TNXB: variants seen among roughly 807,000 people sequenced by gnomAD.
TNXB encodes the protein tenascin XB.
TNXB carries 183 observed loss-of-function variants against 340.5 expected under a neutral mutation model. The ratio of observed to expected loss-of-function variants is 0.54; its 90% CI spans 0.48 to 0.61. The LOEUF is 0.61. Ranked by LOEUF, TNXB falls within the 20% of genes least tolerant of loss-of-function variation. TNXB has a pLI of 0.00. For missense variants in TNXB, 4,613 were observed against 5,446.4 expected, an observed-to-expected ratio of 0.85 and a Z score of 4.82; for synonymous variants, 2,121 against 2,314.5, an observed-to-expected ratio of 0.92 and a Z score of 2.40.
At position 32,058,331 on chromosome 6, in the gene TNXB, CTGGGGCCT is replaced by C; in HGVS notation, c.7544_7551del (p.Glu2515GlyfsTer19). On this transcript the variant is annotated frameshift_variant, in exon 22 of 44. Coordinates refer to ENST00000644971, the MANE Select transcript of TNXB (RefSeq NM_001365276.2). LOFTEE classifies it high-confidence loss of function. This position sits in a 1 kb window ranked among gnomAD's most constrained non-coding sequence, Gnocchi z 5.1. The stretch of plus-strand genomic sequence containing the variant: ...CCCAGGAGAGGCTCCTCGGGGGGCC[CTGGGGCCT>C]CTGTGCCTGGTTCTGTAGGGCTGGG... 1 of 1,611,874 alleles carries C rather than the reference CTGGGGCCT, an allele frequency of 6.2e-7. No homozygotes were observed. Among genetic ancestry groups the C allele is most frequent in the Non-Finnish European group, 8.5e-7 (1 of 1,179,732 alleles).
At position 32,081,276 on chromosome 6, in the gene TNXB, C is replaced by A; in HGVS notation, c.4042+92G>T. On this transcript the variant is annotated intron_variant, in intron 10 of 43. Coordinates refer to ENST00000644971, the MANE Select transcript of TNXB (RefSeq NM_001365276.2). The surrounding 1 kb of genome is among the most constrained non-coding windows in gnomAD (Gnocchi z 5.1). ...GCTTTGGCAAAATGAGCTGAGAAGG[C>A]GAAGATGGAGGGAGGCTGGAAGGAG... is the stretch of plus-strand genomic sequence containing the variant. 2 of 1,317,508 alleles carry A rather than the reference C, an allele frequency of 1.5e-6. No homozygotes were observed. The highest frequency in any genetic ancestry group is 1.0e-6 in the Non-Finnish European group (1 of 968,028). The allele number at this position is 1,317,508 out of a possible 1,614,324, so 81.6% of individuals were successfully genotyped here. A position where few individuals can be genotyped will look rare whatever the true frequency, so the allele number is the denominator to read the frequency against.
At chr6:32,066,275 C>A (rs1778331006) in intron 18 of TNXB, among the ~76,000 whole-genome samples, 2 of 152,016 alleles carry the variant, frequency 1.3e-5, no homozygotes, top group Non-Finnish European at 2.9e-5. Context: ...GCACCTGTGG[C>A]CCCAGCTACC....
intron 21 of TNXB, among the ~76,000 whole-genome samples, chr6:32,060,018 T>G (rs1777912838): frequency 6.6e-6 from 1 of 151,964 alleles, no homozygotes; most frequent in Non-Finnish European, 1.5e-5. Context: ...ACTAGAAATT[T>G]TGAACTTCCT....
rs1466789956 is a variant in TNXB at position 32,075,438 on chromosome 6, C to T, written c.4376-1486G>A. Among the ~76,000 whole-genome samples, 2 of 152,222 alleles carry T rather than the reference C, an allele frequency of 1.3e-5. No individual in the cohort carries two copies. The highest frequency in any genetic ancestry group is 4.8e-5 in the African/African-American group (2 of 41,456). On this transcript the variant is annotated intron_variant, in intron 11 of 43. Coordinates refer to ENST00000644971, the MANE Select transcript of TNXB (RefSeq NM_001365276.2). This position sits in a 1 kb window ranked among gnomAD's most constrained non-coding sequence, Gnocchi z 4.6. Reference sequence around the variant, plus strand: ...TCGCCTGCCAGTCTCTGCATTTGCTCTTCCTTCTGTCTGGGATGCTCTTTC... The same window carrying T: ...TCGCCTGCCAGTCTCTGCATTTGCTTTTCCTTCTGTCTGGGATGCTCTTTC...
chr6:32,086,568 T>G (rs1779791272), intron 6 of TNXB, among the ~76,000 whole-genome samples: 1 of 151,962 alleles, frequency 6.6e-6, no homozygotes, highest in African/African-American at 2.4e-5. Context: ...GGGGTGGACA[T>G]CCAGGTCAGG....
Position 32,059,983 on chromosome 6 carries a change from T to C in TNXB, c.7492+1414A>G, listed in dbSNP as rs116759792. 6.2e-3 allele frequency among the ~76,000 whole-genome samples: 935 copies of C among 152,032 alleles called. 40 individuals carry two copies. Among genetic ancestry groups the C allele is most frequent in the African/African-American group, 0.022 (899 of 41,290 alleles). ...ATTTGGAATTCAATTAACCTCATGA[T>C]CTCCACCCCTCCAATTTCTTATGGA... On this transcript the variant is annotated intron_variant, in intron 21 of 43. Coordinates refer to ENST00000644971, the MANE Select transcript of TNXB (RefSeq NM_001365276.2).
chr6:32,042,517 C>T lies in TNXB; in HGVS notation c.12148G>A (p.Gly4050Ser), dbSNP rs756862408. 4.1e-5 allele frequency: 66 copies of T among 1,612,386 alleles called. No individual in the cohort carries two copies. Among genetic ancestry groups the T allele is most frequent in the Admixed American group, 6.7e-5 (4 of 59,936 alleles). ...ASRTSTIFLN[G>S]NRERPLNVFC... ...ACGTTCAGGGGCCGCTCGCGGTTGC[C>T]GTTGAGGAAGATGGTGCTGGTCCTG... Residue 4050 changes from glycine (G) to serine (S), a missense_variant, in exon 40 of 44, where the codon GGC (glycine) becomes AGC (serine). Physicochemically the swap from Gly to Ser is moderately conservative, Grantham distance 56. Around this residue, in one of 7 missense-constraint regions of TNXB, gnomAD observed 121 missense variants for 177.4 expected, o/e 0.68. Transcript: ENST00000644971.
In TNXB at chr6:32,074,663, TC is replaced by T. The variant is rs1778980683; in HGVS notation, c.4376-712del. Among the ~76,000 whole-genome samples, 1 of 151,722 alleles carries T rather than the reference TC, an allele frequency of 6.6e-6. No individual in the cohort carries two copies. The highest frequency in any genetic ancestry group is 1.5e-5 in the Non-Finnish European group (1 of 67,932). On this transcript the variant is annotated intron_variant, in intron 11 of 43. Coordinates refer to ENST00000644971, the MANE Select transcript of TNXB (RefSeq NM_001365276.2). The surrounding 1 kb of genome is among the most constrained non-coding windows in gnomAD (Gnocchi z 5.5). ...CCTGACACCTGCTCCCGCCACAGCC[TC>T]CCCACCTCAGTAAGATTACAACTTT...
Position 32,053,010 on chromosome 6 carries a change from G to C in TNXB, c.8792-17C>G. 1 of 1,604,840 alleles carries C rather than the reference G, an allele frequency of 6.2e-7. No homozygotes were observed. Among genetic ancestry groups the C allele is most frequent in the Non-Finnish European group, 8.5e-7 (1 of 1,175,280 alleles). ...CCTCTGCAGCTGAGAAGAGGGGACA[G>C]AGAAGGTGAGGCAGCTTCCCTGGGG... is the stretch of plus-strand genomic sequence containing the variant. On this transcript the variant is annotated splice_polypyrimidine_tract_variant and intron_variant, in intron 25 of 43. Transcript: ENST00000644971.
Position 32,079,401 on chromosome 6 carries a change from C to A in TNXB, c.4043-36G>T. 6.6e-7 allele frequency: 1 copy of A among 1,518,390 alleles called. No individual in the cohort carries two copies. The allele number at this position is 1,518,390 out of a possible 1,614,324, so 94.1% of individuals were successfully genotyped here. Reference sequence around the variant, plus strand: ...AGATAGAGGCATAAAGGGCTGCTGGCTTTGCTGCTGCTGCCCACAGATGAC... The same window carrying A: ...AGATAGAGGCATAAAGGGCTGCTGGATTTGCTGCTGCTGCCCACAGATGAC... On this transcript the variant is annotated intron_variant, in intron 10 of 43. Coordinates refer to ENST00000644971, the MANE Select transcript of TNXB (RefSeq NM_001365276.2). This position sits in a 1 kb window ranked among gnomAD's most constrained non-coding sequence, Gnocchi z 7.1.
Position 32,097,317 on chromosome 6 carries a change from G to T in TNXB, c.536C>A (p.Ser179Tyr). 1 of 1,613,652 alleles carries T rather than the reference G, an allele frequency of 6.2e-7. No homozygotes were observed. The highest frequency in any genetic ancestry group is 8.5e-7 in the Non-Finnish European group (1 of 1,179,864). Residue 179 changes from serine (S) to tyrosine (Y), a missense_variant, in exon 3 of 44, where the codon TCC becomes TAC. By Grantham distance (144) the Ser-to-Tyr change is moderately radical (BLOSUM62 -2). Coordinates refer to ENST00000644971, the MANE Select transcript of TNXB (RefSeq NM_001365276.2). This position sits in a 1 kb window ranked among gnomAD's most constrained non-coding sequence, Gnocchi z 5.9. The stretch of plus-strand genomic sequence containing the variant: ...GCAGGACCCCGAGGCTGAGGGTGGG[G>T]AAGAGGGAGGGATCTCAGCATCTGT... ...DPTDAEIPPS[S>Y]PPSASGSCPD...
chr6:32,093,982 T>TGTGCTGGGAGTCCCAGCAGCC (rs1485756883), intron 4 of TNXB, among the ~76,000 whole-genome samples: 2 of 150,342 alleles, frequency 1.3e-5, no homozygotes, highest in Admixed American at 6.7e-5. Flanking sequence ...TAGTCCCAGC[T>TGTGCTGGGAGTCCCAGCAGCC]ACTTGGGAGG....
chr6:32,049,225 G>C lies in TNXB; in HGVS notation c.9757+45C>G, dbSNP rs528139025. On this transcript the variant is annotated intron_variant, in intron 28 of 43. Coordinates refer to ENST00000644971, the MANE Select transcript of TNXB (RefSeq NM_001365276.2). The surrounding 1 kb of genome is among the most constrained non-coding windows in gnomAD (Gnocchi z 4.5). Reference sequence around the variant, plus strand: ...AGATCCAAAGGAGAAACACAAGGGGGCTGCAGAGGTAAACCTGGGGACGAG... The same window carrying C: ...AGATCCAAAGGAGAAACACAAGGGGCCTGCAGAGGTAAACCTGGGGACGAG... The C allele has an allele frequency of 6.3e-7, 1 of 1,576,596 alleles. No homozygotes were observed. Among genetic ancestry groups the C allele is most frequent in the East Asian group, 2.3e-5 (1 of 43,880 alleles).
At position 32,096,335 on chromosome 6, in the gene TNXB, G is replaced by T. The variant is rs937572698; in HGVS notation, c.1518C>A (p.Arg506=). The T allele has an allele frequency of 1.3e-6, 2 of 1,547,186 alleles. No homozygotes were observed. Among genetic ancestry groups the T allele is most frequent in the African/African-American group, 2.7e-5 (2 of 73,330 alleles). Residue 506 remains arginine (R), a synonymous_variant, in exon 3 of 44, where the codon CGC becomes CGA. Coordinates refer to ENST00000644971, the MANE Select transcript of TNXB (RefSeq NM_001365276.2). ...TGCACACGCAGCGGCCATCCACGCA[G>T]CGCCCGCGCCCGCGACAGTCGCCAG... ...ACPGDCRGRG[R]CVDGRCVCNP... is the part of the protein sequence containing the mutation.
Position 32,047,583 on chromosome 6 carries a change from T to C in TNXB, c.10324+151A>G. On this transcript the variant is annotated intron_variant, in intron 30 of 43. Coordinates refer to ENST00000644971, the MANE Select transcript of TNXB (RefSeq NM_001365276.2). This position sits in a 1 kb window ranked among gnomAD's most constrained non-coding sequence, Gnocchi z 6.2. ...GGAAGTAATGCATATGCTTCAGAACTGTGCCTGACACACAGAGGGACTCAC... is the reference window on the plus strand; with the variant it reads ...GGAAGTAATGCATATGCTTCAGAACCGTGCCTGACACACAGAGGGACTCAC... 1.2e-6 allele frequency: 1 copy of C among 864,016 alleles called. No homozygotes were observed. 53.5% of individuals were successfully genotyped at this position (864,016 alleles called of 1,614,324 possible). A position where few individuals can be genotyped will look rare whatever the true frequency, so the allele number is the denominator to read the frequency against.
chr6:32,056,867 A>G lies in TNXB; in HGVS notation c.7862T>C (p.Met2621Thr). The change falls in exon 23 of 44, where the codon ATG (methionine) becomes ACG (threonine). Residue 2621 changes from methionine to threonine, a missense_variant. By Grantham distance (81) the Met-to-Thr change is moderately conservative. Around this residue, in one of 7 missense-constraint regions of TNXB, gnomAD observed 4,327 missense variants for 4,859.4 expected, o/e 0.89. Coordinates refer to ENST00000644971, the MANE Select transcript of TNXB (RefSeq NM_001365276.2). ...EAETTQAVPTMTPEPPIKPRL... is the reference protein window; with the variant it reads ...EAETTQAVPTTTPEPPIKPRL... ...AGGCTTGATGGGGGGCTCAGGGGTC[A>G]TGGTAGGCACTGCTTGGGTGGTCTC... 1 of 1,612,770 alleles carries G rather than the reference A, an allele frequency of 6.2e-7. No homozygotes were observed. The highest frequency in any genetic ancestry group is 8.5e-7 in the Non-Finnish European group (1 of 1,179,740).
Position 32,073,772 on chromosome 6 carries a change from G to C in TNXB, c.4556C>G (p.Pro1519Arg). The C allele has an allele frequency of 2.5e-6, 4 of 1,612,486 alleles. No homozygotes were observed. Among genetic ancestry groups the C allele is most frequent in the Non-Finnish European group, 3.4e-6 (4 of 1,179,490 alleles). Residue 1519 changes from proline (P) to arginine (R), a missense_variant, in exon 12 of 44, where the codon CCG becomes CGG. Around this residue, in one of 7 missense-constraint regions of TNXB, gnomAD observed 4,327 missense variants for 4,859.4 expected, o/e 0.89. Transcript: ENST00000644971. This position sits in a 1 kb window ranked among gnomAD's most constrained non-coding sequence, Gnocchi z 4.6. ...KDKDGQPQVVPVAADQREVTV... is the reference protein window; with the variant it reads ...KDKDGQPQVVRVAADQREVTV... Reference sequence around the variant, plus strand: ...GACCTCTCGCTGGTCTGCCGCCACCGGCACCACCTGGGGCTGCCCGTCCTT... The same window carrying C: ...GACCTCTCGCTGGTCTGCCGCCACCCGCACCACCTGGGGCTGCCCGTCCTT...
rs936441916 is a variant in TNXB at position 32,047,923 on chromosome 6, C to T, written c.10135G>A (p.Glu3379Lys). The change falls in exon 30 of 44, where the codon GAG (glutamate) becomes AAG (lysine). Residue 3379 changes from glutamate to lysine, a missense_variant. Physicochemically the swap from Glu to Lys is moderately conservative, Grantham distance 56 (BLOSUM62 1). Coordinates refer to ENST00000644971, the MANE Select transcript of TNXB (RefSeq NM_001365276.2). This position sits in a 1 kb window ranked among gnomAD's most constrained non-coding sequence, Gnocchi z 6.2. ...DSVGLSWTVP[E>K]GEFDSFVVQY... ...ACCACGAAGGAGTCGAATTCGCCCT[C>T]AGGGACCGTCCACGAGAGGCCCACG... 1.2e-6 allele frequency: 2 copies of T among 1,612,574 alleles called. No homozygotes were observed. The highest frequency in any genetic ancestry group is 2.7e-5 in the African/African-American group (2 of 74,928).
intron 23 of TNXB, 139 bp from the exon 24 acceptor site, chr6:32,056,313 C>A: frequency 1.6e-6 from 2 of 1,220,932 alleles, no homozygotes; most frequent in South Asian, 1.6e-5. Context: ...GCTGGGTGGT[C>A]CTGCTCAACT....
Sources: gnomAD v4.1 joint callset for allele counts (sites outside exome capture counted in the v4.1 genomes callset) on GRCh38, gnomAD v4.1.1 for gene constraint, gnomAD v4.1.1 regional missense constraint, Gnocchi (gnomAD v3.1) non-coding constraint, MANE v1.5 for transcripts, NCBI Gene and HGNC (gene_info 2026-07-23, HGNC 2026-07-21) for gene names.